The following CTNNA2 variants were observed in gnomAD, a reference collection of about 807,000 sequenced individuals.
CTNNA2 encodes the protein catenin alpha 2.
Under a neutral mutation model 101.0 loss-of-function variants are expected in CTNNA2, and 42 were observed. The observed-to-expected ratio is 0.42, with a 90% CI of 0.32 to 0.54. The LOEUF is 0.54. Among genes scored for constraint, CTNNA2 ranks in the 20% least tolerant of loss-of-function variants. CTNNA2 has a pLI of 0.14. For synonymous variants in CTNNA2, 450 were observed against 456.4 expected (o/e 0.99, Z 0.18); for missense variants, 871 against 1,223.1 (o/e 0.71, Z 4.29).
At chr2:79,199,103 A>G (rs957719313) in intron 2 of CTNNA2, among the ~76,000 whole-genome samples, 7 of 152,230 alleles carry the variant, frequency 4.6e-5, no homozygotes, top group South Asian at 4.1e-4. Flanking sequence ...TACAATTTAC[A>G]AAGTTGTAAA....
chr2:79,549,477 A>G lies in CTNNA2; in HGVS notation c.-6+36270A>G, dbSNP rs533748538. On this transcript the variant is annotated intron_variant, in intron 1 of 18. Coordinates refer to ENST00000402739, the MANE Select transcript of CTNNA2 (RefSeq NM_001282597.3). ...GATCCCTTCAGAGTTCAGTATGACA[A>G]AAGACTAGAGAATTGGTTTAACCCT... Among the ~76,000 whole-genome samples the G allele has an allele frequency of 1.4e-3, 219 of 152,340 alleles. 2 individuals carry two copies. The highest frequency in any genetic ancestry group is 0.014 in the Middle Eastern group (4 of 294).
intron 2 of CTNNA2, among the ~76,000 whole-genome samples, chr2:79,271,283 G>T (rs1439729863): frequency 6.6e-6 from 1 of 152,020 alleles, no homozygotes; most frequent in African/African-American, 2.4e-5. Flanking sequence ...ATGGGTGATA[G>T]AAGCATGTCT....
intron 1 of CTNNA2, among the ~76,000 whole-genome samples, chr2:79,612,218 G>A (rs1471040533): frequency 1.3e-5 from 2 of 152,152 alleles, no homozygotes; most frequent in Non-Finnish European, 2.9e-5. Flanking sequence ...AATGGTTGCT[G>A]TGCTCCAGTA....
chr2:79,546,984 G>T lies in CTNNA2; in HGVS notation c.-6+33777G>T, dbSNP rs1452821287. Among the ~76,000 whole-genome samples the T allele has an allele frequency of 1.3e-4, 10 of 75,200 alleles. No homozygotes were observed. In the East Asian group the frequency reaches 3.6e-3, roughly 27 times the overall value. The allele number at this position is 75,200 out of a possible 152,430, so 49.3% of individuals were successfully genotyped here. A position where few individuals can be genotyped will look rare whatever the true frequency, so the allele number is the denominator to read the frequency against. On this transcript the variant is annotated intron_variant, in intron 1 of 18. Coordinates refer to ENST00000402739, the MANE Select transcript of CTNNA2 (RefSeq NM_001282597.3). ...AATTTTTTAGAAATTTGTGGAATTT[G>T]TGAAAAGAACGCTTGATGTACTTGT...
chr2:80,033,407 A>G (rs1424476636), intron 7 of CTNNA2, among the ~76,000 whole-genome samples: 2 of 151,880 alleles, frequency 1.3e-5, no homozygotes, highest in Admixed American at 1.3e-4. Context: ...CTCTGTCTCC[A>G]CAAAAAAAAT....
At chr2:79,916,543 TCCCCTCCCCTCC>T (rs1686223570) in intron 7 of CTNNA2, among the ~76,000 whole-genome samples, 1 of 6,376 alleles carries the variant, frequency 1.6e-4, no homozygotes, top group Non-Finnish European at 2.4e-4. Flanking sequence ...TCCCCTCCCC[TCCCCTCCCCTCC>T]CCTCCCCTCC....
At chr2:79,217,323 G>T (rs992449881) in intron 2 of CTNNA2, among the ~76,000 whole-genome samples, 1 of 152,228 alleles carries the variant, frequency 6.6e-6, no homozygotes, top group Non-Finnish European at 1.5e-5. Context: ...GTGAGTCCGT[G>T]TGAAGAGACC....
At chr2:80,227,915 T>G (rs2149067827) in intron 7 of CTNNA2, among the ~76,000 whole-genome samples, 3 of 151,942 alleles carry the variant, frequency 2.0e-5, no homozygotes, top group Middle Eastern at 6.8e-3. Context: ...TTGTGTGATC[T>G]AGATATGGGG....
chr2:79,342,224 G>T (rs1050385775), intron 3 of CTNNA2, among the ~76,000 whole-genome samples: 5 of 152,130 alleles, frequency 3.3e-5, no homozygotes, highest in Non-Finnish European at 5.9e-5. Flanking sequence ...GGTAAATATA[G>T]GCTCTTCCTG....
chr2:79,708,933 C>T (rs932249832), intron 2 of CTNNA2, among the ~76,000 whole-genome samples: 2 of 152,140 alleles, frequency 1.3e-5, no homozygotes, highest in African/African-American at 2.4e-5. Flanking sequence ...TGTACAAAAT[C>T]GTCTTTTCCT....
chr2:80,342,349 G>A (rs1672321113), intron 7 of CTNNA2, among the ~76,000 whole-genome samples: 1 of 152,148 alleles, frequency 6.6e-6, no homozygotes, highest in Non-Finnish European at 1.5e-5. Context: ...CTAAAATTAA[G>A]TCTCCAAGCA....
chr2:79,327,408 AATTC>A (rs1215047440), intron 3 of CTNNA2, among the ~76,000 whole-genome samples: 26 of 152,280 alleles, frequency 1.7e-4, no homozygotes, highest in Middle Eastern at 3.4e-3. Context: ...GCAGACTAAC[AATTC>A]ATATTTGCTC....
At chr2:79,496,723 GTATT>G (rs1671260457) in intron 4 of CTNNA2, among the ~76,000 whole-genome samples, 1 of 151,020 alleles carries the variant, frequency 6.6e-6, no homozygotes, top group African/African-American at 2.4e-5. Flanking sequence ...TTTTATATAT[GTATT>G]TATTTATCTA....
chr2:79,996,876 C>G (rs576713222), intron 7 of CTNNA2, among the ~76,000 whole-genome samples: 1 of 152,178 alleles, frequency 6.6e-6, no homozygotes, highest in East Asian at 1.9e-4. Flanking sequence ...AGACACTGGC[C>G]ATATAGGCTG....
intron 3 of CTNNA2, among the ~76,000 whole-genome samples, chr2:79,755,770 A>G (rs1672356564): frequency 6.6e-6 from 1 of 152,210 alleles, no homozygotes; most frequent in African/African-American, 2.4e-5. Context: ...CATTTTAATT[A>G]GTTAGGTCTC....
chr2:80,454,499 C>T (rs1683794442), intron 9 of CTNNA2, among the ~76,000 whole-genome samples: 1 of 152,194 alleles, frequency 6.6e-6, no homozygotes, highest in Non-Finnish European at 1.5e-5. Flanking sequence ...TGGTGATAAT[C>T]AGCCATTTAA....
intron 3 of CTNNA2, among the ~76,000 whole-genome samples, chr2:79,819,014 C>T (rs1304138550): frequency 6.8e-6 from 1 of 147,654 alleles, no homozygotes; most frequent in Admixed American, 6.8e-5. Context: ...GAGTCTCACT[C>T]TGTCACCCAG....
intron 4 of CTNNA2, among the ~76,000 whole-genome samples, chr2:79,470,646 T>C (rs1024071051): frequency 6.6e-6 from 1 of 152,210 alleles, no homozygotes; most frequent in African/African-American, 2.4e-5. Flanking sequence ...GGATGTTTTG[T>C]CTTCCTAGGA....
At chr2:80,080,769 G>A (rs1192404592) in intron 7 of CTNNA2, among the ~76,000 whole-genome samples, 2 of 151,966 alleles carry the variant, frequency 1.3e-5, no homozygotes, top group South Asian at 4.2e-4. Context: ...TTAAAAGCAA[G>A]AACTAAATTT....
Sources: gnomAD v4.1 joint callset for allele counts (sites outside exome capture counted in the v4.1 genomes callset) on GRCh38, gnomAD v4.1.1 for gene constraint, MANE v1.5 for transcripts, NCBI Gene and HGNC (gene_info 2026-07-23, HGNC 2026-07-21) for gene names.